GPR180: variants seen among roughly 807,000 people sequenced by gnomAD.
GPR180 encodes the protein G protein-coupled receptor 180.
GPR180 carries 53 observed loss-of-function variants against 52.6 expected under a neutral mutation model. That is an observed-to-expected ratio of 1.01 (90% CI 0.81 to 1.27). The LOEUF (loss-of-function observed/expected upper bound fraction) is 1.27. Ranked by LOEUF, GPR180 falls within the 50% of genes most tolerant of loss-of-function variation. The pLI is 0.00. For synonymous variants in GPR180, 200 were observed against 193.1 expected, an observed-to-expected ratio of 1.04 and a Z score of -0.30; for missense variants, 533 against 527.0, an observed-to-expected ratio of 1.01 and a Z score of -0.11.
At chr13:94,605,634 A>G in intron 2 of GPR180, 85 bp downstream of exon 2, 1 of 1,135,026 alleles carries the variant, frequency 8.8e-7, no homozygotes. Context: ...TACATATGTT[A>G]TGTTTCCTGA....
intron 7 of GPR180, among the ~76,000 whole-genome samples, chr13:94,623,857 T>C (rs1889888762): frequency 6.6e-6 from 1 of 152,188 alleles, no homozygotes; most frequent in African/African-American, 2.4e-5. Context: ...GCCTGGTTCA[T>C]AGTTTCATCA....
rs200692489 is a variant in GPR180, at chr13:94,612,169, G to A, written c.305-21G>A. The A allele has an allele frequency of 1.5e-5, 24 of 1,587,070 alleles. No homozygotes were observed. In the African/African-American group the frequency reaches 3.0e-4, roughly 20 times the overall value. ...ACATTTGAGAATTTTGTTACAAAAG[G>A]TGTTTTCTTTCTCTTTAAAGTGACC... On this transcript the variant is annotated intron_variant, in intron 2 of 8. Transcript: ENST00000376958.
chr13:94,606,816 T>C (rs548933402), intron 2 of GPR180, among the ~76,000 whole-genome samples: 18 of 152,348 alleles, frequency 1.2e-4, no homozygotes, highest in African/African-American at 3.4e-4. Flanking sequence ...TGAGATGATA[T>C]TGTGAGAAGA....
chr13:94,620,405 G>T (rs192782045), intron 5 of GPR180, among the ~76,000 whole-genome samples: 1 of 152,296 alleles, frequency 6.6e-6, no homozygotes, highest in Non-Finnish European at 1.5e-5. Context: ...TTGTTTTCTT[G>T]TAGTGTTAAC....
intron 3 of GPR180, among the ~76,000 whole-genome samples, chr13:94,615,455 A>G (rs925206391): frequency 6.6e-6 from 1 of 152,234 alleles, no homozygotes; most frequent in Non-Finnish European, 1.5e-5. Flanking sequence ...GTTAAATTTC[A>G]TAATTTGTTT....
At chr13:94,613,856 C>T (rs1460866662) in intron 3 of GPR180, among the ~76,000 whole-genome samples, 2 of 149,894 alleles carry the variant, frequency 1.3e-5, no homozygotes, top group African/African-American at 2.5e-5. Context: ...GACTAAATTG[C>T]TCCTCAGGTC....
chr13:94,634,602 ATTC>A lies in GPR180; in HGVS notation c.*7436_*7438del, dbSNP rs1360912368. 1 of 152,120 alleles carries A rather than the reference ATTC, an allele frequency of 6.6e-6. No individual in the cohort carries two copies. Among genetic ancestry groups the A allele is most frequent in the South Asian group, 2.1e-4 (1 of 4,834 alleles). The allele number at this position is 152,120 out of a possible 1,614,324, so 9.4% of individuals were successfully genotyped here. A position where few individuals can be genotyped will look rare whatever the true frequency, so the allele number is the denominator to read the frequency against. Reference sequence around the variant, plus strand: ...ATTTTGTTCCCAGTCACCTAACTGAATTCTTCTAACAGTTGTAATAAATTTCTG... The same window carrying A: ...ATTTTGTTCCCAGTCACCTAACTGAATTCTAACAGTTGTAATAAATTTCTG... On this transcript the variant is annotated 3_prime_UTR_variant, in exon 9 of 9. Transcript: ENST00000376958.
At chr13:94,602,137 G>C in intron 1 of GPR180, 65 bp downstream of exon 1, 1 of 1,249,346 alleles carries the variant, frequency 8.0e-7, no homozygotes, top group Non-Finnish European at 1.0e-6. Context: ...GAGTCCGCCG[G>C]CCGCTCCTCC....
chr13:94,619,879 T>A lies in GPR180; in HGVS notation c.736+362T>A, dbSNP rs182576408. ...GATTACAGGCACATACCATCATGCC[T>A]GGCTGATTTTTAAATTTCCTTTTCT... On this transcript the variant is annotated intron_variant, in intron 5 of 8. Coordinates refer to ENST00000376958, the MANE Select transcript of GPR180 (RefSeq NM_180989.6). Among the ~76,000 whole-genome samples the A allele has an allele frequency of 3.5e-4, 54 of 152,190 alleles. 1 individual carries two copies. The highest frequency in any genetic ancestry group is 2.1e-4 in the Non-Finnish European group (14 of 67,998).
intron 3 of GPR180, among the ~76,000 whole-genome samples, chr13:94,614,363 T>A (rs1018676679): frequency 1.3e-5 from 2 of 152,172 alleles, no homozygotes; most frequent in Non-Finnish European, 2.9e-5. Context: ...CAAAAGGTGG[T>A]TTTATGTATT....
intron 7 of GPR180, among the ~76,000 whole-genome samples, chr13:94,624,596 C>T (rs1482795201): frequency 1.3e-5 from 2 of 152,216 alleles, no homozygotes; most frequent in South Asian, 2.1e-4. Flanking sequence ...CTCGCTCTAT[C>T]GCCCAGGCTG....
Position 94,633,564 on chromosome 13 carries a change from CT to C in GPR180, c.*6398del, listed in dbSNP as rs544594278. ...CCCACTTTTCTATTGGGTTGGTTGT[CT>C]TTTTCTTATTGATTTGTTAAAACTC... On this transcript the variant is annotated 3_prime_UTR_variant, in exon 9 of 9. Coordinates refer to ENST00000376958, the MANE Select transcript of GPR180 (RefSeq NM_180989.6). 8 of 151,936 alleles carry C rather than the reference CT, an allele frequency of 5.3e-5. No individual in the cohort carries two copies. Among genetic ancestry groups the C allele is most frequent in the African/African-American group, 1.9e-4 (8 of 41,456 alleles). The allele number at this position is 151,936 out of a possible 1,614,324, so 9.4% of individuals were successfully genotyped here. A position where few individuals can be genotyped will look rare whatever the true frequency, so the allele number is the denominator to read the frequency against.
intron 5 of GPR180, 90 bp from the exon 6 acceptor site, chr13:94,620,987 TA>T (rs543670651): frequency 0.15 from 137,377 of 934,456 alleles, 81 homozygotes; most frequent in South Asian, 0.18. Context: ...TGGTTTTTCT[TA>T]AAAAAAAAAA....
intron 1 of GPR180, among the ~76,000 whole-genome samples, chr13:94,602,613 C>T (rs1594469191): frequency 6.6e-6 from 1 of 151,300 alleles, no homozygotes; most frequent in African/African-American, 2.4e-5. Context: ...GCTACTAGGG[C>T]AGTAGATTTA....
In GPR180 at chr13:94,629,547, G is replaced by A. The variant is rs1889967252; in HGVS notation, c.*2376G>A. On this transcript the variant is annotated 3_prime_UTR_variant, in exon 9 of 9. Transcript: ENST00000376958. ...AAGAGAGAATAAATGATTTCTCTAA[G>A]GTCATCAAACTATTTAGTTTTTCCA... is the stretch of plus-strand genomic sequence containing the variant. 6.6e-6 allele frequency: 1 copy of A among 152,050 alleles called. No homozygotes were observed. Among genetic ancestry groups the A allele is most frequent in the Non-Finnish European group, 1.5e-5 (1 of 68,012 alleles). The allele number at this position is 152,050 out of a possible 1,614,324, so 9.4% of individuals were successfully genotyped here. A position where few individuals can be genotyped will look rare whatever the true frequency, so the allele number is the denominator to read the frequency against.
intron 2 of GPR180, among the ~76,000 whole-genome samples, chr13:94,610,948 C>T (rs955073065): frequency 6.6e-6 from 1 of 152,188 alleles, no homozygotes; most frequent in African/African-American, 2.4e-5. Flanking sequence ...AAAGGAAAAG[C>T]AGAATTGACA....
At chr13:94,618,621 C>T (rs1467217306) in intron 3 of GPR180, among the ~76,000 whole-genome samples, 1 of 151,890 alleles carries the variant, frequency 6.6e-6, no homozygotes, top group East Asian at 1.9e-4. Context: ...GGGCTCTACT[C>T]AGAGTTTCTG....
chr13:94,625,592 ATTTC>A (rs1374386166), intron 7 of GPR180, among the ~76,000 whole-genome samples: 2 of 152,068 alleles, frequency 1.3e-5, no homozygotes, highest in East Asian at 1.9e-4. Context: ...TTTTTACAGG[ATTTC>A]TTTGTGTATC....
In GPR180 at chr13:94,629,666, A is replaced by G. The variant is rs1444582277; in HGVS notation, c.*2495A>G. ...AATTTTTGCTGTTGATTTGAACATTAAAACTGGAATTGTGCTAAAATCAGA... is the reference window on the plus strand; with the variant it reads ...AATTTTTGCTGTTGATTTGAACATTGAAACTGGAATTGTGCTAAAATCAGA... On this transcript the variant is annotated 3_prime_UTR_variant, in exon 9 of 9. Coordinates refer to ENST00000376958, the MANE Select transcript of GPR180 (RefSeq NM_180989.6). 2 of 152,244 alleles carry G rather than the reference A, an allele frequency of 1.3e-5. No individual in the cohort carries two copies. Among genetic ancestry groups the G allele is most frequent in the Non-Finnish European group, 2.9e-5 (2 of 68,032 alleles). The allele number at this position is 152,244 out of a possible 1,614,324, so 9.4% of individuals were successfully genotyped here.
Sources: allele counts gnomAD v4.1 joint callset (sites outside exome capture counted in the v4.1 genomes callset), GRCh38; gene constraint gnomAD v4.1.1; transcripts MANE v1.5; gene names NCBI Gene and HGNC (gene_info 2026-07-23, HGNC 2026-07-21).